CD99: variants seen among roughly 807,000 people sequenced by gnomAD.
The protein encoded by CD99 is CD99 antigen.
CD99 carries 19 observed loss-of-function variants against 28.4 expected under a neutral mutation model. That is an observed-to-expected ratio of 0.67 (90% confidence interval 0.47 to 0.98). CD99 has a LOEUF of 0.98. Among genes scored for constraint, CD99 ranks in the 50% least tolerant of loss-of-function variants. The probability of loss-of-function intolerance (pLI) is 0.00; values close to 1 mark genes in which losing one functional copy is unlikely to be tolerated. For missense variants in CD99, 283 were observed against 248.8 expected, an observed-to-expected ratio of 1.14 and a Z score of -0.92; for synonymous variants, 103 against 92.1, an observed-to-expected ratio of 1.12 and a Z score of -0.67.
At chrX:2,729,290 T>C (rs1366887933) in intron 8 of CD99, among the ~76,000 whole-genome samples, 2 of 152,192 alleles carry the variant, frequency 1.3e-5, no homozygotes, top group African/African-American at 4.8e-5. Context: ...GTAGGAACTT[T>C]TGGGATCTTG....
At chrX:2,705,009 C>T (rs1216642129) in intron 1 of CD99, among the ~76,000 whole-genome samples, 1 of 152,230 alleles carries the variant, frequency 6.6e-6, no homozygotes, top group Non-Finnish European at 1.5e-5. Context: ...GCCACTGTAC[C>T]CGGCCACCTA....
At chrX:2,723,443 G>C in intron 7 of CD99, 79 bp downstream of exon 7, 1 of 1,506,456 alleles carries the variant, frequency 6.6e-7, no homozygotes, top group Middle Eastern at 1.8e-4. Flanking sequence ...GAGAGCTGGC[G>C]GACTGCACTG....
chrX:2,723,028 T>A (rs1355206138), intron 6 of CD99, among the ~76,000 whole-genome samples: 2 of 152,178 alleles, frequency 1.3e-5, no homozygotes, highest in Admixed American at 1.3e-4. Context: ...ATTAGGCTGT[T>A]TTCTGTAATT....
rs1344377009 is a variant in CD99 at position 2,710,500 on chromosome X, CTTT to C, written c.68-3921_68-3919del. 7.0e-4 allele frequency among the ~76,000 whole-genome samples: 102 copies of C among 145,424 alleles called. 1 individual carries two copies. The highest frequency in any genetic ancestry group is 2.7e-3 in the African/African-American group (101 of 37,826). On this transcript the variant is annotated intron_variant, in intron 1 of 9. Coordinates refer to ENST00000381192, the MANE Select transcript of CD99 (RefSeq NM_002414.5). ...CACTTAAAATAATATCTGTACTTTACTTTCACGTGTGGGGTTTTTTTTTGTCAT... is the reference window on the plus strand; with the variant it reads ...CACTTAAAATAATATCTGTACTTTACCACGTGTGGGGTTTTTTTTTGTCAT...
chrX:2,729,272 G>A lies in CD99; in HGVS notation c.475+2899G>A, dbSNP rs768577896. 5.9e-5 allele frequency among the ~76,000 whole-genome samples: 9 copies of A among 152,264 alleles called. No homozygotes were observed. In the South Asian group the frequency reaches 1.2e-3, roughly 21 times the overall value. ...GCAAAGGATGTTTATTACCTTGTGC[G>A]TGCAGACGTAGGAACTTTTGGGATC... On this transcript the variant is annotated intron_variant, in intron 8 of 9. Transcript: ENST00000381192.
intron 7 of CD99, among the ~76,000 whole-genome samples, chrX:2,724,382 G>A (rs1212735664): frequency 1.3e-5 from 2 of 152,188 alleles, no homozygotes; most frequent in African/African-American, 2.4e-5. Context: ...TTTGCTGAAA[G>A]TCAGACAATT....
At chrX:2,697,273 G>A (rs1345276430) in intron 1 of CD99, among the ~76,000 whole-genome samples, 1 of 152,192 alleles carries the variant, frequency 6.6e-6, no homozygotes, top group Non-Finnish European at 1.5e-5. Context: ...GAATGGTGTC[G>A]TGGGCTGGGG....
intron 6 of CD99, 81 bp from the exon 7 acceptor site, chrX:2,723,233 C>T (rs2049090681): frequency 7.1e-7 from 1 of 1,418,272 alleles, no homozygotes; most frequent in African/African-American, 1.4e-5. Context: ...GAAGCAGGAC[C>T]CCAGCCTCTT....
chrX:2,694,858 C>G (rs947744715), intron 1 of CD99, among the ~76,000 whole-genome samples: 14 of 152,144 alleles, frequency 9.2e-5, no homozygotes, highest in Non-Finnish European at 1.6e-4. Flanking sequence ...TGGAGATACT[C>G]AAGTAAATGA....
chrX:2,710,963 C>T (rs868479354), intron 1 of CD99, among the ~76,000 whole-genome samples: 1 of 149,684 alleles, frequency 6.7e-6, no homozygotes, highest in Non-Finnish European at 1.5e-5. Context: ...CTCTACTTCC[C>T]GGATTCAAGC....
At chrX:2,723,991 A>T (rs1374174271) in intron 7 of CD99, among the ~76,000 whole-genome samples, 2 of 138,732 alleles carry the variant, frequency 1.4e-5, no homozygotes, top group South Asian at 4.3e-4. Flanking sequence ...GGAAGGAGGG[A>T]TGGAGAGAAG....
At chrX:2,728,077 A>AC (rs1471293669) in intron 8 of CD99, among the ~76,000 whole-genome samples, 26 of 152,266 alleles carry the variant, frequency 1.7e-4, no homozygotes, top group African/African-American at 6.3e-4. Context: ...TCGGATCTCA[A>AC]GACTTTAAAT....
At chrX:2,697,349 G>C (rs1045929211) in intron 1 of CD99, among the ~76,000 whole-genome samples, 1 of 152,198 alleles carries the variant, frequency 6.6e-6, no homozygotes, top group African/African-American at 2.4e-5. Flanking sequence ...GGGGAGTAAA[G>C]CTGTTGCTCC....
rs180711449 is a variant in CD99, at chrX:2,729,165, A to C, written c.475+2792A>C. Among the ~76,000 whole-genome samples the C allele has an allele frequency of 6.6e-5, 10 of 152,234 alleles. 1 individual carries two copies. The highest frequency in any genetic ancestry group is 3.4e-3 in the Middle Eastern group (1 of 294). On this transcript the variant is annotated intron_variant, in intron 8 of 9. Coordinates refer to ENST00000381192, the MANE Select transcript of CD99 (RefSeq NM_002414.5). ...TTTTAGAATCCCAGACAATTGTTGA[A>C]CACTTTTGCATTAAACTACAAAGTC...
intron 1 of CD99, among the ~76,000 whole-genome samples, chrX:2,713,043 T>G (rs909264663): frequency 3.4e-5 from 5 of 148,776 alleles, no homozygotes; most frequent in Admixed American, 6.7e-5. Context: ...CACCCACACA[T>G]GCACAAACAC....
intron 8 of CD99, among the ~76,000 whole-genome samples, chrX:2,732,232 G>C (rs2049652925): frequency 6.6e-6 from 1 of 152,118 alleles, no homozygotes; most frequent in Non-Finnish European, 1.5e-5. Context: ...ATCTGGGTGT[G>C]TTGGCTTCGC....
intron 8 of CD99, among the ~76,000 whole-genome samples, chrX:2,734,950 G>A (rs1392997613): frequency 2.0e-5 from 3 of 152,112 alleles, no homozygotes; most frequent in Admixed American, 2.0e-4. Flanking sequence ...ACTGTATGGT[G>A]TGAGGGCACA....
intron 8 of CD99, among the ~76,000 whole-genome samples, chrX:2,729,370 G>A (rs1291188792): frequency 6.6e-6 from 1 of 152,148 alleles, no homozygotes; most frequent in Admixed American, 6.6e-5. Context: ...GCCTAAGACT[G>A]GATAATTCAT....
At chrX:2,740,095 AAATAATAAT>A (rs201441438) in intron 9 of CD99, among the ~76,000 whole-genome samples, 1 of 150,840 alleles carries the variant, frequency 6.6e-6, no homozygotes, top group African/African-American at 2.4e-5. Flanking sequence ...TCTGTCTCAA[AAATAATAAT>A]AATAATAATA....
Sources: allele counts gnomAD v4.1 joint callset (sites outside exome capture counted in the v4.1 genomes callset), GRCh38; gene constraint gnomAD v4.1.1; transcripts MANE v1.5; gene names NCBI Gene and HGNC (gene_info 2026-07-23, HGNC 2026-07-21).